TBC1D32: variants seen among roughly 807,000 people sequenced by gnomAD.
TBC1D32 encodes the protein TBC1 domain family member 32, also known as protein broad-minded.
In TBC1D32, 151 loss-of-function variants were observed where a neutral mutation model predicts 170.3. That is an observed-to-expected ratio of 0.89 (90% CI 0.78 to 1.01). TBC1D32 has a LOEUF of 1.01. Ranked by LOEUF, TBC1D32 falls within the 50% of genes least tolerant of loss-of-function variation. TBC1D32 has a pLI of 0.00. For missense variants in TBC1D32, 1,464 were observed against 1,457.1 expected, an observed-to-expected ratio of 1.00 and a Z score of -0.08; for synonymous variants, 498 against 488.0, an observed-to-expected ratio of 1.02 and a Z score of -0.27.
chr6:121,201,620 C>T (rs1479060353), intron 22 of TBC1D32, among the ~76,000 whole-genome samples: 2 of 151,292 alleles, frequency 1.3e-5, no homozygotes, highest in African/African-American at 4.9e-5. Context: ...TCAGCAATTC[C>T]TTCAGTCTCA....
At chr6:121,125,835 T>G (rs957419910) in intron 26 of TBC1D32, among the ~76,000 whole-genome samples, 3 of 152,164 alleles carry the variant, frequency 2.0e-5, no homozygotes, top group Non-Finnish European at 4.4e-5. Context: ...AAGCCAGGGC[T>G]GAGACTGGGC....
intron 26 of TBC1D32, among the ~76,000 whole-genome samples, chr6:121,122,386 A>T (rs944771852): frequency 6.6e-6 from 1 of 151,990 alleles, no homozygotes; most frequent in Non-Finnish European, 1.5e-5. Flanking sequence ...AAACCCTGCA[A>T]TGACTTTCAA....
intron 3 of TBC1D32, among the ~76,000 whole-genome samples, chr6:121,314,016 T>G (rs976784846): frequency 6.6e-6 from 1 of 152,186 alleles, no homozygotes; most frequent in Admixed American, 6.5e-5. Flanking sequence ...AGAAAGGCCA[T>G]GTACCCAATA....
chr6:121,256,262 G>A lies in TBC1D32; in HGVS notation c.1757C>T (p.Ala586Val). ...EESPTGAHII[A>V]QFSKKLLDED... ...ATCGAGAAGTTTTTTCGAAAACTGG[G>A]CAATTATATGAGCACCTGTAGGACT... Residue 586 changes from alanine (A) to valine (V), a missense_variant, in exon 16 of 32, where the codon GCC (alanine) becomes GTC (valine). Physicochemically the swap from Ala to Val is moderately conservative, Grantham distance 64. Coordinates refer to ENST00000398212, the MANE Select transcript of TBC1D32 (RefSeq NM_152730.6). 2.5e-6 allele frequency: 4 copies of A among 1,613,144 alleles called. No individual in the cohort carries two copies. The highest frequency in any genetic ancestry group is 3.4e-6 in the Non-Finnish European group (4 of 1,179,670).
At chr6:121,141,044 T>C (rs980284882) in intron 24 of TBC1D32, among the ~76,000 whole-genome samples, 1 of 152,176 alleles carries the variant, frequency 6.6e-6, no homozygotes, top group African/African-American at 2.4e-5. Context: ...TACTTTTTCA[T>C]TCAATAAATA....
At chr6:121,082,994 T>C (rs1775796547) in intron 31 of TBC1D32, among the ~76,000 whole-genome samples, 1 of 151,996 alleles carries the variant, frequency 6.6e-6, no homozygotes, top group African/African-American at 2.4e-5. Context: ...AATATCTACA[T>C]TTTACATTTT....
At position 121,289,130 on chromosome 6, in the gene TBC1D32, CA is replaced by C. The variant is rs1304672093; in HGVS notation, c.1372+2922del. Among the ~76,000 whole-genome samples, 7 of 152,178 alleles carry C rather than the reference CA, an allele frequency of 4.6e-5. No individual in the cohort carries two copies. In the East Asian group the frequency reaches 5.8e-4, roughly 13 times the overall value. ...GCCCTCTCTCACCACTCCTATTCAA[CA>C]ATAGTGTTGGAAGTTCTGGCAAGGG... On this transcript the variant is annotated intron_variant, in intron 12 of 31. Coordinates refer to ENST00000398212, the MANE Select transcript of TBC1D32 (RefSeq NM_152730.6).
chr6:121,117,167 T>A (rs989410766), intron 26 of TBC1D32, among the ~76,000 whole-genome samples: 2 of 152,144 alleles, frequency 1.3e-5, no homozygotes, highest in Admixed American at 6.6e-5. Flanking sequence ...TACAACACTA[T>A]CCAAATTTCA....
chr6:121,117,774 C>T (rs1779841997), intron 26 of TBC1D32, among the ~76,000 whole-genome samples: 1 of 152,026 alleles, frequency 6.6e-6, no homozygotes, highest in Non-Finnish European at 1.5e-5. Flanking sequence ...TATCAATATA[C>T]AATAAATCAC....
At position 121,160,945 on chromosome 6, in the gene TBC1D32, C is replaced by A. The variant is rs1451634817; in HGVS notation, c.2679+3G>T. On this transcript the variant is annotated splice_donor_region_variant and intron_variant, in intron 23 of 31. Coordinates refer to ENST00000398212, the MANE Select transcript of TBC1D32 (RefSeq NM_152730.6). ...ATCCCACTTCTCTTTGCCCCACACT[C>A]ACCTTTTCGAGTAACCTCGGAGGCA... 1 of 1,611,174 alleles carries A rather than the reference C, an allele frequency of 6.2e-7. No individual in the cohort carries two copies. Among genetic ancestry groups the A allele is most frequent in the Non-Finnish European group, 8.5e-7 (1 of 1,177,452 alleles).
intron 11 of TBC1D32, among the ~76,000 whole-genome samples, chr6:121,292,497 A>G (rs1050179070): frequency 6.6e-6 from 1 of 152,192 alleles, no homozygotes; most frequent in African/African-American, 2.4e-5. Flanking sequence ...TTCAAAAGTA[A>G]GTTAAGGGCA....
intron 22 of TBC1D32, among the ~76,000 whole-genome samples, chr6:121,200,515 A>C (rs977738264): frequency 2.0e-5 from 3 of 151,686 alleles, no homozygotes; most frequent in Admixed American, 2.0e-4. Context: ...GGCAGTATCA[A>C]AAGTTTCCAG....
In TBC1D32 at chr6:121,253,896, A is replaced by G. The variant is rs1207255465; in HGVS notation, c.2018+1432T>C. Among the ~76,000 whole-genome samples, 3 of 152,148 alleles carry G rather than the reference A, an allele frequency of 2.0e-5. No individual in the cohort carries two copies. In the East Asian group the frequency reaches 5.8e-4, roughly 29 times the overall value. ...AATCCCACTACTGGGTATCTCACTCAAAGGAAAAGAAGACATTATATGAAA... is the reference window on the plus strand; with the variant it reads ...AATCCCACTACTGGGTATCTCACTCGAAGGAAAAGAAGACATTATATGAAA... On this transcript the variant is annotated intron_variant, in intron 17 of 31. Transcript: ENST00000398212.
chr6:121,304,132 G>A lies in TBC1D32; in HGVS notation c.935+233C>T, dbSNP rs532978475. Among the ~76,000 whole-genome samples the A allele has an allele frequency of 2.0e-5, 3 of 149,114 alleles. No homozygotes were observed. In the South Asian group the frequency reaches 6.4e-4, roughly 32 times the overall value. ...ACATTAAAAAAAAAAAAAAACTAAT[G>A]CTACATTTTTTTTACCTTGTGATAA... On this transcript the variant is annotated intron_variant, in intron 8 of 31. Coordinates refer to ENST00000398212, the MANE Select transcript of TBC1D32 (RefSeq NM_152730.6).
chr6:121,173,206 T>C (rs905971808), intron 22 of TBC1D32, among the ~76,000 whole-genome samples: 5 of 152,096 alleles, frequency 3.3e-5, no homozygotes, highest in African/African-American at 1.2e-4. Flanking sequence ...GATTTACTCT[T>C]CCAACCTACA....
At chr6:121,192,081 T>TATATATCC (rs1191358364) in intron 22 of TBC1D32, among the ~76,000 whole-genome samples, 1 of 132,428 alleles carries the variant, frequency 7.6e-6, no homozygotes, top group African/African-American at 2.7e-5. Context: ...TATATATATA[T>TATATATCC]ATCCTATTAG....
intron 26 of TBC1D32, among the ~76,000 whole-genome samples, chr6:121,116,277 G>T (rs1179583072): frequency 6.6e-6 from 1 of 150,952 alleles, no homozygotes; most frequent in Non-Finnish European, 1.5e-5. Flanking sequence ...CTCTGATATA[G>T]TAAGTATGGA....
chr6:121,181,669 T>A (rs538355955), intron 22 of TBC1D32, among the ~76,000 whole-genome samples: 10 of 152,140 alleles, frequency 6.6e-5, no homozygotes, highest in African/African-American at 2.2e-4. Flanking sequence ...AAGAAGTATC[T>A]GCACTTCCAT....
intron 30 of TBC1D32, among the ~76,000 whole-genome samples, chr6:121,102,077 C>T (rs988108197): frequency 2.0e-5 from 3 of 151,882 alleles, no homozygotes; most frequent in East Asian, 1.9e-4. Flanking sequence ...CACTACTCAA[C>T]GAAATAAAAG....
Sources: allele counts gnomAD v4.1 joint callset (sites outside exome capture counted in the v4.1 genomes callset), GRCh38; gene constraint gnomAD v4.1.1; transcripts MANE v1.5; gene names NCBI Gene and HGNC (gene_info 2026-07-23, HGNC 2026-07-21).